Variants in ASPH observed in about 807,000 individuals in gnomAD.
The protein encoded by ASPH is aspartate beta-hydroxylase.
Under a neutral mutation model 118.4 loss-of-function variants are expected in ASPH, and 100 were observed. That is an observed-to-expected ratio of 0.84 (90% CI 0.72 to 1.00). ASPH has a LOEUF of 1.00. Among genes scored for constraint, ASPH ranks in the 50% least tolerant of loss-of-function variants. ASPH has a pLI of 0.00. For missense variants in ASPH, 920 were observed against 919.5 expected, an observed-to-expected ratio of 1.00 and a Z score of -0.01; for synonymous variants, 315 against 325.6, an observed-to-expected ratio of 0.97 and a Z score of 0.35.
intron 13 of ASPH, chr8:61,625,211 C>T (rs1852307323): frequency 1.0e-6 from 1 of 985,434 alleles, no homozygotes; most frequent in Non-Finnish European, 1.2e-6. Flanking sequence ...TTTCTGAGCC[C>T]AAAATAAACC....
intron 24 of ASPH, among the ~76,000 whole-genome samples, chr8:61,507,997 CTCTT>C (rs1312349074): frequency 1.3e-5 from 2 of 152,122 alleles, no homozygotes; most frequent in East Asian, 1.9e-4. Flanking sequence ...CTTCCTCTCT[CTCTT>C]TCTCTCCTCC....
intron 1 of ASPH, among the ~76,000 whole-genome samples, chr8:61,692,069 CT>C (rs1337116060): frequency 6.6e-6 from 1 of 152,200 alleles, no homozygotes; most frequent in Non-Finnish European, 1.5e-5. Flanking sequence ...ATTATTTCTC[CT>C]TGACAAATCT....
chr8:61,685,588 G>T (rs984400179), intron 1 of ASPH, among the ~76,000 whole-genome samples: 1 of 151,726 alleles, frequency 6.6e-6, no homozygotes, highest in Non-Finnish European at 1.5e-5. Context: ...AATTTCCAGC[G>T]GCTCAAGTCA....
chr8:61,513,726 T>C (rs1280089663), intron 24 of ASPH, among the ~76,000 whole-genome samples: 3 of 152,158 alleles, frequency 2.0e-5, no homozygotes, highest in African/African-American at 7.2e-5. Flanking sequence ...GTAGGTTGTG[T>C]TTTACCTCAG....
chr8:61,653,748 T>A, intron 3 of ASPH, 88 bp from the exon 4 acceptor site: 1 of 1,269,294 alleles, frequency 7.9e-7, no homozygotes, highest in Non-Finnish European at 1.1e-6. Flanking sequence ...TTCAAACATT[T>A]AATTAATAGT....
At chr8:61,644,483 C>A in intron 7 of ASPH, 117 bp downstream of exon 7, 1 of 654,468 alleles carries the variant, frequency 1.5e-6, no homozygotes. Context: ...TTATTAATTG[C>A]ATATCTTGCA....
intron 13 of ASPH, chr8:61,624,624 C>T: frequency 1.0e-6 from 1 of 985,312 alleles, no homozygotes; most frequent in Non-Finnish European, 1.2e-6. Flanking sequence ...TGCACAATGG[C>T]ACATATTTGT....
At chr8:61,656,806 A>G (rs1411409792) in intron 3 of ASPH, 2 of 152,188 alleles carry the variant, frequency 1.3e-5, no homozygotes, top group Non-Finnish European at 2.9e-5. Flanking sequence ...CTTTAAATCA[A>G]CCACTCATAG....
At chr8:61,530,496 T>C (rs1817165439) in intron 21 of ASPH, among the ~76,000 whole-genome samples, 1 of 152,168 alleles carries the variant, frequency 6.6e-6, no homozygotes. Context: ...ATCCCAGACC[T>C]GCATCCAGTT....
intron 21 of ASPH, among the ~76,000 whole-genome samples, chr8:61,541,295 C>T (rs528869746): frequency 1.5e-3 from 226 of 152,200 alleles, no homozygotes; most frequent in Admixed American, 3.8e-3. Context: ...ACCCGCGAGG[C>T]GGAGCTTGCA....
In ASPH at chr8:61,638,378, A is replaced by AG; in HGVS notation, c.791-16_791-15insC. On this transcript the variant is annotated splice_polypyrimidine_tract_variant and intron_variant, in intron 10 of 24. Coordinates refer to ENST00000379454, the MANE Select transcript of ASPH (RefSeq NM_004318.4). ...TTCATATACTGCTAAAAAAAAAAAA[A>AG]CAGAAACAAAATCCCGTAACTTTCA... is the stretch of plus-strand genomic sequence containing the variant. 1 of 1,539,106 alleles carries AG rather than the reference A, an allele frequency of 6.5e-7. No homozygotes were observed. The highest frequency in any genetic ancestry group is 8.9e-7 in the Non-Finnish European group (1 of 1,129,092).
chr8:61,590,574 G>T (rs1840814998), intron 14 of ASPH, among the ~76,000 whole-genome samples: 1 of 151,844 alleles, frequency 6.6e-6, no homozygotes, highest in South Asian at 2.1e-4. Context: ...GTGTGTGTGT[G>T]TGTGTGTGTG....
chr8:61,707,337 G>C (rs1452056561), intron 1 of ASPH, among the ~76,000 whole-genome samples: 1 of 152,050 alleles, frequency 6.6e-6, no homozygotes, highest in Admixed American at 6.5e-5. Context: ...GGAAACACAA[G>C]GCTACTCTTA....
At chr8:61,667,612 G>A (rs1327012925) in intron 3 of ASPH, among the ~76,000 whole-genome samples, 1 of 152,092 alleles carries the variant, frequency 6.6e-6, no homozygotes, top group Non-Finnish European at 1.5e-5. Flanking sequence ...TGATCCACCC[G>A]CCTCAGCTTC....
chr8:61,588,886 G>A (rs1217844220), intron 14 of ASPH, among the ~76,000 whole-genome samples: 1 of 152,178 alleles, frequency 6.6e-6, no homozygotes. Context: ...CCATCAACTG[G>A]TGAATGAAAA....
intron 10 of ASPH, among the ~76,000 whole-genome samples, chr8:61,640,148 C>T (rs913934320): frequency 1.3e-5 from 2 of 152,164 alleles, no homozygotes; most frequent in African/African-American, 2.4e-5. Flanking sequence ...TTCTCAGTAG[C>T]GCAGGGCACC....
intron 22 of ASPH, among the ~76,000 whole-genome samples, 175 bp from the exon 23 acceptor site, chr8:61,518,298 A>G (rs1586398679): frequency 2.0e-5 from 3 of 152,356 alleles, no homozygotes; most frequent in Non-Finnish European, 2.9e-5. Flanking sequence ...AAAATTTATC[A>G]ATAAAGAAGA....
chr8:61,696,865 C>T (rs1453193023), intron 1 of ASPH, among the ~76,000 whole-genome samples: 1 of 152,016 alleles, frequency 6.6e-6, no homozygotes, highest in African/African-American at 2.4e-5. Context: ...TTTTTCAAAA[C>T]TAAGAAACAA....
At chr8:61,676,229 C>A in intron 3 of ASPH, 1 of 1,596,578 alleles carries the variant, frequency 6.3e-7, no homozygotes, top group Non-Finnish European at 8.5e-7. Context: ...TGAGAGGAAA[C>A]CATAAAACCA....
Sources: allele counts gnomAD v4.1 joint callset (sites outside exome capture counted in the v4.1 genomes callset), GRCh38; gene constraint gnomAD v4.1.1; transcripts MANE v1.5; gene names NCBI Gene and HGNC (gene_info 2026-07-23, HGNC 2026-07-21).